LRFN2: variants seen among roughly 807,000 people sequenced by gnomAD.
LRFN2 encodes leucine-rich repeat and fibronectin type-III domain-containing protein 2.
LRFN2 carries 18 observed loss-of-function variants against 37.3 expected under a neutral mutation model. That is an observed-to-expected ratio of 0.48 (90% confidence interval 0.33 to 0.72). The LOEUF is 0.72. Among genes scored for constraint, LRFN2 ranks in the 30% least tolerant of loss-of-function variants. The probability of loss-of-function intolerance (pLI) is 0.02; values close to 1 mark genes in which losing one functional copy is unlikely to be tolerated. For missense variants in LRFN2, 1,006 were observed against 1,060.7 expected (o/e 0.95, Z 0.72); for synonymous variants, 556 against 466.6 (o/e 1.19, Z -2.47).
chr6:40,394,673 C>A (rs936650403), intron 2 of LRFN2, among the ~76,000 whole-genome samples: 2 of 152,168 alleles, frequency 1.3e-5, no homozygotes, highest in African/African-American at 4.8e-5. Context: ...GCTGTGTCCC[C>A]ACCCAAATCT....
At chr6:40,469,961 C>T (rs1387314011) in intron 1 of LRFN2, among the ~76,000 whole-genome samples, 1 of 152,216 alleles carries the variant, frequency 6.6e-6, no homozygotes, top group Non-Finnish European at 1.5e-5. Flanking sequence ...CCTCACCAAC[C>T]ACAGTGTCCA....
At position 40,587,009 on chromosome 6, in the gene LRFN2, C is replaced by T. The variant is rs899594832; in HGVS notation, c.-87G>A. ...CGGCTCCGCGGGGCGCCCGGGCTCC[C>T]CGGCTCGGCCACGCATCCTTCCCCG... is the stretch of plus-strand genomic sequence containing the variant. On this transcript the variant is annotated 5_prime_UTR_variant, in exon 1 of 3. Coordinates refer to ENST00000338305, the MANE Select transcript of LRFN2 (RefSeq NM_020737.3). The surrounding 1 kb of genome is among the most constrained non-coding windows in gnomAD (Gnocchi z 4.2). The T allele has an allele frequency of 2.0e-5, 3 of 152,326 alleles. No homozygotes were observed. The highest frequency in any genetic ancestry group is 4.4e-5 in the Non-Finnish European group (3 of 68,048). The allele number at this position is 152,326 out of a possible 1,614,324, so 9.4% of individuals were successfully genotyped here.
At position 40,464,170 on chromosome 6, in the gene LRFN2, T is replaced by A. The variant is rs191677046; in HGVS notation, c.-18-31039A>T. Among the ~76,000 whole-genome samples, 402 of 152,344 alleles carry A rather than the reference T, an allele frequency of 2.6e-3. 2 individuals carry two copies. The highest frequency in any genetic ancestry group is 9.3e-3 in the African/African-American group (386 of 41,590). ...TATGGGTCTATTCTTTCCTTTAGAC[T>A]GTGAAACCCTCCAAAGCAAGGACTG... On this transcript the variant is annotated intron_variant, in intron 1 of 2. Transcript: ENST00000338305.
At chr6:40,518,797 G>A (rs1765962329) in intron 1 of LRFN2, among the ~76,000 whole-genome samples, 1 of 152,166 alleles carries the variant, frequency 6.6e-6, no homozygotes, top group Non-Finnish European at 1.5e-5. Flanking sequence ...TGCCCTGGAA[G>A]GTTTACCATA....
chr6:40,443,806 G>T (rs2113836245), intron 1 of LRFN2, among the ~76,000 whole-genome samples: 1 of 152,270 alleles, frequency 6.6e-6, no homozygotes, highest in East Asian at 1.9e-4. Context: ...GCACCCAGTG[G>T]GTGGCAACAG....
At chr6:40,455,806 G>A (rs938537357) in intron 1 of LRFN2, among the ~76,000 whole-genome samples, 2 of 152,186 alleles carry the variant, frequency 1.3e-5, no homozygotes, top group African/African-American at 4.8e-5. Flanking sequence ...GGCAGAGGAA[G>A]TTTTGCAGAT....
chr6:40,505,139 T>C (rs1765499241), intron 1 of LRFN2, among the ~76,000 whole-genome samples: 1 of 152,186 alleles, frequency 6.6e-6, no homozygotes, highest in Non-Finnish European at 1.5e-5. Context: ...TTTCTTCTGG[T>C]TCAGGTGGGC....
chr6:40,411,568 C>T (rs776333068), intron 2 of LRFN2, among the ~76,000 whole-genome samples: 3 of 152,168 alleles, frequency 2.0e-5, no homozygotes, highest in Non-Finnish European at 4.4e-5. Context: ...CCATCTCGCC[C>T]ACCCTGCCCT....
At chr6:40,502,011 G>A (rs1037524076) in intron 1 of LRFN2, among the ~76,000 whole-genome samples, 9 of 152,310 alleles carry the variant, frequency 5.9e-5, no homozygotes, top group Admixed American at 3.3e-4. Flanking sequence ...GGTGTCATCT[G>A]CTGGGGAGAC....
At chr6:40,576,138 G>T (rs1767272810) in intron 1 of LRFN2, among the ~76,000 whole-genome samples, 1 of 152,068 alleles carries the variant, frequency 6.6e-6, no homozygotes, top group African/African-American at 2.4e-5. Flanking sequence ...ACTGTCATGG[G>T]GTCCAAAGAA....
chr6:40,414,885 G>T (rs1025440089), intron 2 of LRFN2, among the ~76,000 whole-genome samples: 5 of 152,194 alleles, frequency 3.3e-5, no homozygotes, highest in African/African-American at 1.2e-4. Flanking sequence ...ACAATGTGAG[G>T]GGAGTGGCTT....
At position 40,541,693 on chromosome 6, in the gene LRFN2, C is replaced by G. The variant is rs137936840; in HGVS notation, c.-19+45248G>C. Among the ~76,000 whole-genome samples, 655 of 152,256 alleles carry G rather than the reference C, an allele frequency of 4.3e-3. 7 individuals are homozygous for G. Among genetic ancestry groups the G allele is most frequent in the Middle Eastern group, 0.027 (8 of 294 alleles). On this transcript the variant is annotated intron_variant, in intron 1 of 2. Coordinates refer to ENST00000338305, the MANE Select transcript of LRFN2 (RefSeq NM_020737.3). ...ATCATTGGCACGCTCCCAGACATGCCGACCACAGGTGTAGGTAACAGGTCA... is the reference window on the plus strand; with the variant it reads ...ATCATTGGCACGCTCCCAGACATGCGGACCACAGGTGTAGGTAACAGGTCA...
At chr6:40,462,552 A>G (rs896809999) in intron 1 of LRFN2, among the ~76,000 whole-genome samples, 2 of 152,302 alleles carry the variant, frequency 1.3e-5, no homozygotes, top group Admixed American at 6.5e-5. Context: ...ACATAGAGGC[A>G]TCTAAATCTG....
At chr6:40,522,020 A>G (rs1766088706) in intron 1 of LRFN2, among the ~76,000 whole-genome samples, 1 of 152,202 alleles carries the variant, frequency 6.6e-6, no homozygotes, top group Non-Finnish European at 1.5e-5. Flanking sequence ...GAAGGAAGAC[A>G]GGGAGTCTTT....
intron 1 of LRFN2, among the ~76,000 whole-genome samples, chr6:40,556,617 G>A (rs1296206660): frequency 1.3e-5 from 2 of 151,714 alleles, no homozygotes; most frequent in African/African-American, 4.8e-5. Flanking sequence ...ATGGCCACAA[G>A]GGCATATGGC....
At chr6:40,525,582 CAG>C (rs1301784193) in intron 1 of LRFN2, among the ~76,000 whole-genome samples, 1 of 152,198 alleles carries the variant, frequency 6.6e-6, no homozygotes, top group African/African-American at 2.4e-5. Context: ...ATAAAACTGA[CAG>C]AAATATGCAT....
chr6:40,568,684 TTTCCTTCCTTCCTTCCTTCCTTCC>T (rs369194708), intron 1 of LRFN2, among the ~76,000 whole-genome samples: 2 of 131,936 alleles, frequency 1.5e-5, no homozygotes, highest in East Asian at 4.6e-4. Context: ...GTCTCCCCCA[TTTCCTTCCTTCCTTCCTTCCTTCC>T]TTCCTTCCTT....
At chr6:40,494,337 C>T (rs1426609388) in intron 1 of LRFN2, among the ~76,000 whole-genome samples, 5 of 152,134 alleles carry the variant, frequency 3.3e-5, no homozygotes, top group Non-Finnish European at 5.9e-5. Context: ...CTGCTCAGGG[C>T]GGAGGTGAGA....
Position 40,489,885 on chromosome 6 carries a change from C to T in LRFN2, c.-18-56754G>A, listed in dbSNP as rs151162752. 9.1e-4 allele frequency among the ~76,000 whole-genome samples: 139 copies of T among 152,270 alleles called. 1 individual carries two copies. The highest frequency in any genetic ancestry group is 2.9e-3 in the South Asian group (14 of 4,816). On this transcript the variant is annotated intron_variant, in intron 1 of 2. Transcript: ENST00000338305. ...CGCTGCTGCACTCCGTAGGCATGCC[C>T]GGGTGCCCCCAGCTCATCTCCCCAC...
Sources: allele counts gnomAD v4.1 joint callset (sites outside exome capture counted in the v4.1 genomes callset), GRCh38; gene constraint gnomAD v4.1.1; non-coding constraint Gnocchi (gnomAD v3.1); transcripts MANE v1.5; gene names NCBI Gene and HGNC (gene_info 2026-07-23, HGNC 2026-07-21).